The following GK variants were observed in gnomAD, a reference collection of about 807,000 sequenced individuals.
The protein encoded by GK is ATP:glycerol 3-phosphotransferase.
A neutral mutation model predicts 56.4 loss-of-function variants in GK; 9 were observed. The ratio of observed to expected loss-of-function variants is 0.16; its 90% CI spans 0.10 to 0.28. The LOEUF (loss-of-function observed/expected upper bound fraction) is 0.28. GK is among the 10% of genes least tolerant of loss of function. The pLI, the probability that GK is intolerant of heterozygous loss-of-function variation, is 1.00. For missense variants in GK, 161 were observed against 431.4 expected (o/e 0.37, Z 5.55); for synonymous variants, 104 against 144.1 (o/e 0.72, Z 1.99).
In GK at chrX:30,723,178, G is replaced by A. The variant is rs185440419; in HGVS notation, c.1502-923G>A. Reference sequence around the variant, plus strand: ...TGGGAAGCCGAGGCGGGCGGATCACGAGGTCAGGAGATCAAGACCATCCTG... The same window carrying A: ...TGGGAAGCCGAGGCGGGCGGATCACAAGGTCAGGAGATCAAGACCATCCTG... On this transcript the variant is annotated intron_variant, in intron 18 of 20. Coordinates refer to ENST00000427190, the MANE Select transcript of GK (RefSeq NM_001205019.2). Among the ~76,000 whole-genome samples the A allele has an allele frequency of 6.0e-3, 670 of 111,065 alleles. 4 individuals carry two copies. Among genetic ancestry groups the A allele is most frequent in the African/African-American group, 0.021 (635 of 30,614 alleles).
chrX:30,673,455 T>TA (rs985022354), intron 3 of GK, among the ~76,000 whole-genome samples: 6 of 112,098 alleles, frequency 5.4e-5, no homozygotes, highest in African/African-American at 1.6e-4. Flanking sequence ...ACGTTTTCTT[T>TA]AAAAAACATA....
chrX:30,710,587 G>C (rs757880773), intron 13 of GK, among the ~76,000 whole-genome samples: 1 of 111,154 alleles, frequency 9.0e-6, no homozygotes, highest in Non-Finnish European at 1.9e-5. Context: ...TTTTGTAAAT[G>C]CTTACAAAGT....
chrX:30,668,156 C>T lies in GK; in HGVS notation c.259+38C>T, dbSNP rs768987308. 1.1e-5 allele frequency: 8 copies of T among 714,715 alleles called. No homozygotes were observed. In the South Asian group the frequency reaches 1.5e-4, roughly 13 times the overall value. 58.9% of individuals were successfully genotyped at this position (714,715 alleles called of 1,213,427 possible). A position where few individuals can be genotyped will look rare whatever the true frequency, so the allele number is the denominator to read the frequency against. On this transcript the variant is annotated intron_variant, in intron 3 of 20. Coordinates refer to ENST00000427190, the MANE Select transcript of GK (RefSeq NM_001205019.2). The stretch of plus-strand genomic sequence containing the variant: ...AATATTTTACCCACATAATAAGACT[C>T]TCTCAATCAAATTCATTAATTTATT...
At position 30,707,544 on chromosome X, in the gene GK, CT is replaced by C; in HGVS notation, c.852-10del. The C allele has an allele frequency of 1.9e-6, 2 of 1,061,572 alleles. No individual in the cohort carries two copies. Among genetic ancestry groups the C allele is most frequent in the Non-Finnish European group, 2.6e-6 (2 of 761,033 alleles). The allele number at this position is 1,061,572 out of a possible 1,213,427, so 87.5% of individuals were successfully genotyped here. A position where few individuals can be genotyped will look rare whatever the true frequency, so the allele number is the denominator to read the frequency against. On this transcript the variant is annotated splice_polypyrimidine_tract_variant and intron_variant, in intron 11 of 20. Coordinates refer to ENST00000427190, the MANE Select transcript of GK (RefSeq NM_001205019.2). ...AAAATTGTCTTACTATTCATTCTCC[CT>C]TCAACCATAGGTATGGAACAGGATG... is the stretch of plus-strand genomic sequence containing the variant.
At position 30,670,320 on chromosome X, in the gene GK, T is replaced by C. The variant is rs749986231; in HGVS notation, c.259+2202T>C. On this transcript the variant is annotated intron_variant, in intron 3 of 20. Transcript: ENST00000427190. ...CTTACAGGTAAGGTAGGTTGTGATG[T>C]GTTGGCTTTCTGGACCCACTTGGAT... Among the ~76,000 whole-genome samples, 8 of 112,392 alleles carry C rather than the reference T, an allele frequency of 7.1e-5. No homozygotes were observed. In the South Asian group the frequency reaches 1.5e-3, roughly 21 times the overall value.
At chrX:30,665,186 G>A (rs1208567526) in intron 1 of GK, among the ~76,000 whole-genome samples, 1 of 111,328 alleles carries the variant, frequency 9.0e-6, no homozygotes, top group African/African-American at 3.3e-5. Flanking sequence ...ATTATTCTTG[G>A]TTTTCCTATT....
intron 1 of GK, among the ~76,000 whole-genome samples, chrX:30,658,933 G>A (rs749886100): frequency 1.8e-5 from 2 of 112,863 alleles, no homozygotes; most frequent in African/African-American, 3.2e-5. Context: ...AGAATAGACC[G>A]ATAAAACTTG....
chrX:30,678,685 T>C (rs111901058), intron 4 of GK, among the ~76,000 whole-genome samples: 4,875 of 99,785 alleles, frequency 0.049, 160 homozygotes, highest in Non-Finnish European at 0.075. Context: ...TTTTTTTTTT[T>C]CTTTCCTCTG....
chrX:30,703,475 A>G (rs1935799557), intron 11 of GK, among the ~76,000 whole-genome samples: 1 of 110,993 alleles, frequency 9.0e-6, no homozygotes, highest in South Asian at 3.8e-4. Flanking sequence ...CCATGAGTGA[A>G]TGTGCATGGC....
chrX:30,672,734 A>C (rs1686848451), intron 3 of GK, among the ~76,000 whole-genome samples: 1 of 111,376 alleles, frequency 9.0e-6, no homozygotes, highest in Admixed American at 9.5e-5. Flanking sequence ...GAATCACTTG[A>C]ACCAGGGAGG....
intron 3 of GK, among the ~76,000 whole-genome samples, chrX:30,670,092 G>T: frequency 8.9e-6 from 1 of 112,430 alleles, no homozygotes; most frequent in East Asian, 2.8e-4. Context: ...TAGATGAGTT[G>T]TGCATTAGTG....
Position 30,720,648 on chromosome X carries a change from G to A in GK, c.1264G>A (p.Gly422Arg). 8.3e-7 allele frequency: 1 copy of A among 1,203,200 alleles called. No individual in the cohort carries two copies. Among genetic ancestry groups the A allele is most frequent in the Non-Finnish European group, 1.1e-6 (1 of 887,753 alleles). Residue 422 changes from glycine to arginine, a missense_variant, in exon 17 of 21, where the codon GGA becomes AGA. Physicochemically the swap from Gly to Arg is moderately radical, Grantham distance 125. Transcript: ENST00000427190. ...TTTGGATGCCATGAATCGAGACTGT[G>A]GAATTCCACTCAGTCATTTGCAGGT... ...EILDAMNRDC[G>R]IPLSHLQVDG...
rs892686995 is a variant in GK, at chrX:30,699,321, T to C, written c.748-1093T>C. 3.9e-5 allele frequency among the ~76,000 whole-genome samples: 4 copies of C among 102,040 alleles called. No homozygotes were observed. In the East Asian group the frequency reaches 1.2e-3, roughly 31 times the overall value. 88.6% of individuals were successfully genotyped at this position (102,040 alleles called of 115,157 possible). Reference sequence around the variant, plus strand: ...TAACATGTATATATATAACATGTTATATATATATATACACACATACGTTTT... The same window carrying C: ...TAACATGTATATATATAACATGTTACATATATATATACACACATACGTTTT... On this transcript the variant is annotated intron_variant, in intron 9 of 20. Transcript: ENST00000427190.
At position 30,700,726 on chromosome X, in the gene GK, TAGAC is replaced by T. The variant is rs1056365922; in HGVS notation, c.784-109_784-106del. On this transcript the variant is annotated intron_variant, in intron 10 of 20. Transcript: ENST00000427190. ...GCCAAATGGAGAAAATGCAAGGAAATAGACAGTTCATTCTTTGATAAATAAAAAA... is the reference window on the plus strand; with the variant it reads ...GCCAAATGGAGAAAATGCAAGGAAATAGTTCATTCTTTGATAAATAAAAAA... The T allele has an allele frequency of 4.2e-5, 24 of 572,124 alleles. 1 individual carries two copies. In the Admixed American group the frequency reaches 6.5e-4, roughly 15 times the overall value. The allele number at this position is 572,124 out of a possible 1,213,427, so 47.1% of individuals were successfully genotyped here. A position where few individuals can be genotyped will look rare whatever the true frequency, so the allele number is the denominator to read the frequency against.
intron 1 of GK, among the ~76,000 whole-genome samples, chrX:30,660,002 G>A (rs1399385656): frequency 8.9e-6 from 1 of 111,757 alleles, no homozygotes; most frequent in Non-Finnish European, 1.9e-5. Flanking sequence ...ACCCACCTCG[G>A]CCTTCCAAAG....
chrX:30,728,280 A>G (rs1937225333), intron 20 of GK, among the ~76,000 whole-genome samples: 1 of 111,272 alleles, frequency 9.0e-6, no homozygotes, highest in African/African-American at 3.3e-5. Flanking sequence ...TCTTAAAATT[A>G]CTGGCTTAAA....
intron 13 of GK, among the ~76,000 whole-genome samples, chrX:30,711,121 C>A (rs1319703405): frequency 2.0e-5 from 1 of 50,683 alleles, no homozygotes; most frequent in Non-Finnish European, 3.8e-5. Context: ...TCCTTTTTTT[C>A]TTCTTCTTTT....
At chrX:30,689,950 T>C (rs904179712) in intron 4 of GK, among the ~76,000 whole-genome samples, 3 of 111,833 alleles carry the variant, frequency 2.7e-5, no homozygotes, top group African/African-American at 9.8e-5. Flanking sequence ...TTTTCCCACC[T>C]ACAGAAACCC....
chrX:30,653,573 G>T lies in GK; in HGVS notation c.36G>T (p.Leu12Phe). 1.7e-6 allele frequency: 2 copies of T among 1,211,117 alleles called. No individual in the cohort carries two copies. The highest frequency in any genetic ancestry group is 2.2e-6 in the Non-Finnish European group (2 of 894,607). Residue 12 changes from leucine to phenylalanine, a missense_variant, in exon 1 of 21, where the codon TTG (leucine) becomes TTT (phenylalanine). Coordinates refer to ENST00000427190, the MANE Select transcript of GK (RefSeq NM_001205019.2). ...AASKKAVLGP[L>F]VGAVDQGTSS... The stretch of plus-strand genomic sequence containing the variant: ...CAAAGAAGGCAGTTTTGGGGCCATT[G>T]GTGGGGGCGGTGGACCAGGGCACCA...
Sources: gnomAD v4.1 joint callset for allele counts (sites outside exome capture counted in the v4.1 genomes callset) on GRCh38, gnomAD v4.1.1 for gene constraint, MANE v1.5 for transcripts, NCBI Gene and HGNC (gene_info 2026-07-23, HGNC 2026-07-21) for gene names.